Variants in SMAD1 observed in about 807,000 individuals in gnomAD.
SMAD1 encodes the protein SMAD family member 1.
SMAD1 carries 6 observed loss-of-function variants against 41.6 expected under a neutral mutation model. The ratio of observed to expected loss-of-function variants is 0.14; its 90% CI spans 0.08 to 0.28. The LOEUF is 0.28. Among genes scored for constraint, SMAD1 ranks in the 10% least tolerant of loss-of-function variants. The probability of loss-of-function intolerance (pLI) is 1.00; values close to 1 mark genes in which losing one functional copy is unlikely to be tolerated. For synonymous variants in SMAD1, 206 were observed against 203.2 expected, an observed-to-expected ratio of 1.01 and a Z score of -0.12; for missense variants, 379 against 582.6, an observed-to-expected ratio of 0.65 and a Z score of 3.60.
intron 6 of SMAD1, among the ~76,000 whole-genome samples, chr4:145,555,783 A>C (rs1385132128): frequency 6.6e-6 from 1 of 152,198 alleles, no homozygotes; most frequent in Non-Finnish European, 1.5e-5. Context: ...AGTAATACAA[A>C]GATGAAAAAG....
At chr4:145,491,540 TGTTA>T (rs1240577151) in intron 1 of SMAD1, among the ~76,000 whole-genome samples, 2 of 152,222 alleles carry the variant, frequency 1.3e-5, no homozygotes, top group African/African-American at 4.8e-5. Context: ...TCCTGTATTT[TGTTA>T]TTCTTTGTAT....
intron 6 of SMAD1, 76 bp from the exon 7 acceptor site, chr4:145,557,715 A>T: frequency 8.7e-7 from 1 of 1,148,082 alleles, no homozygotes; most frequent in Non-Finnish European, 1.2e-6. Context: ...GTCTTTGGTT[A>T]TGTGAACTCT....
intron 2 of SMAD1, among the ~76,000 whole-genome samples, chr4:145,523,492 T>G (rs75169425): frequency 0.013 from 2,034 of 152,204 alleles, 59 homozygotes; most frequent in African/African-American, 0.046. Flanking sequence ...GAAAATACAA[T>G]GAAAGATCAA....
rs767864028 is a variant in SMAD1, at chr4:145,557,775, A to G, written c.1255-16A>G. The G allele has an allele frequency of 1.3e-6, 2 of 1,596,396 alleles. No homozygotes were observed. Among genetic ancestry groups the G allele is most frequent in the East Asian group, 2.2e-5 (1 of 44,652 alleles). On this transcript the variant is annotated splice_polypyrimidine_tract_variant and intron_variant, in intron 6 of 6. Transcript: ENST00000302085. ...GAGTTAAACAAGTTAAATGACCTCCAGTATGTTTTTCCTAGGGCTGGGGAG... is the reference window on the plus strand; with the variant it reads ...GAGTTAAACAAGTTAAATGACCTCCGGTATGTTTTTCCTAGGGCTGGGGAG...
intron 2 of SMAD1, among the ~76,000 whole-genome samples, chr4:145,526,947 T>G: frequency 6.6e-6 from 1 of 152,188 alleles, no homozygotes; most frequent in African/African-American, 2.4e-5. Flanking sequence ...CATCTACTTT[T>G]CAGGTTGAGG....
intron 1 of SMAD1, among the ~76,000 whole-genome samples, chr4:145,509,519 C>T (rs1393168224): frequency 6.6e-6 from 1 of 151,852 alleles, no homozygotes; most frequent in Non-Finnish European, 1.5e-5. Context: ...TTAAAATAGC[C>T]CCAAGTTATT....
chr4:145,542,381 A>G (rs745563544), intron 3 of SMAD1, among the ~76,000 whole-genome samples: 4 of 152,286 alleles, frequency 2.6e-5, no homozygotes, highest in Non-Finnish European at 4.4e-5. Context: ...CTGAATTTTC[A>G]CAAAAATGTA....
intron 2 of SMAD1, among the ~76,000 whole-genome samples, chr4:145,537,647 T>G (rs561750596): frequency 1.3e-5 from 2 of 152,162 alleles, no homozygotes; most frequent in East Asian, 3.8e-4. Context: ...TTTATATATA[T>G]AACAAGATGC....
intron 4 of SMAD1, chr4:145,545,294 T>A (rs1364193159): frequency 6.6e-6 from 1 of 152,192 alleles, no homozygotes; most frequent in African/African-American, 2.4e-5. Flanking sequence ...ACAGAAAAAA[T>A]TCATCAACCT....
intron 1 of SMAD1, among the ~76,000 whole-genome samples, chr4:145,509,617 T>A (rs1383975423): frequency 6.6e-6 from 1 of 152,140 alleles, no homozygotes; most frequent in Non-Finnish European, 1.5e-5. Context: ...ATATAGAATA[T>A]GAAGAAATAC....
At chr4:145,483,762 A>G (rs1338064356) in intron 1 of SMAD1, among the ~76,000 whole-genome samples, 3 of 152,180 alleles carry the variant, frequency 2.0e-5, no homozygotes, top group Admixed American at 1.3e-4. Context: ...CAGAGCCTCT[A>G]GAGGATCCAG....
At chr4:145,519,614 G>A (rs1221605971) in intron 2 of SMAD1, among the ~76,000 whole-genome samples, 3 of 147,700 alleles carry the variant, frequency 2.0e-5, no homozygotes, top group Non-Finnish European at 3.0e-5. Flanking sequence ...TCATCATGTC[G>A]CTGCACTCCA....
intron 1 of SMAD1, among the ~76,000 whole-genome samples, chr4:145,500,167 C>G (rs1442274996): frequency 2.0e-5 from 3 of 152,144 alleles, no homozygotes; most frequent in African/African-American, 7.2e-5. Context: ...ACTGGTCTCC[C>G]TACCCACCAC....
rs375702599 is a variant in SMAD1 at position 145,520,496 on chromosome 4, AAGTCCG to A, written c.400+5485_400+5490del. ...GTTTAAGGTATCCAGGCAAGTCATC[AAGTCCG>A]ATTGTCTGGATGAAGTTGTCTTGAA... On this transcript the variant is annotated intron_variant, in intron 2 of 6. Transcript: ENST00000302085. 5.0e-3 allele frequency among the ~76,000 whole-genome samples: 769 copies of A among 152,378 alleles called. 2 individuals are homozygous for A. Among genetic ancestry groups the A allele is most frequent in the African/African-American group, 0.016 (676 of 41,588 alleles).
At chr4:145,490,993 A>G (rs1436488620) in intron 1 of SMAD1, among the ~76,000 whole-genome samples, 1 of 152,190 alleles carries the variant, frequency 6.6e-6, no homozygotes, top group Non-Finnish European at 1.5e-5. Context: ...GTTAGAAGGA[A>G]AGGGGAGTTT....
In SMAD1 at chr4:145,494,936, A is replaced by G. The variant is rs115150342; in HGVS notation, c.-177+12898A>G. Among the ~76,000 whole-genome samples the G allele has an allele frequency of 6.1e-3, 928 of 152,244 alleles. 9 individuals are homozygous for G. Among genetic ancestry groups the G allele is most frequent in the African/African-American group, 0.021 (888 of 41,538 alleles). ...GACAGAAAGGATATGTGTGTTTGACATCTCTCCCTTTTCCCTTTGTGGAAG... is the reference window on the plus strand; with the variant it reads ...GACAGAAAGGATATGTGTGTTTGACGTCTCTCCCTTTTCCCTTTGTGGAAG... On this transcript the variant is annotated intron_variant, in intron 1 of 6. Coordinates refer to ENST00000302085, the MANE Select transcript of SMAD1 (RefSeq NM_005900.3).
chr4:145,535,145 G>C (rs981155388), intron 2 of SMAD1, among the ~76,000 whole-genome samples: 1 of 151,996 alleles, frequency 6.6e-6, no homozygotes, highest in African/African-American at 2.4e-5. Context: ...AATTAAAATT[G>C]CACCAAAATG....
Position 145,482,377 on chromosome 4 carries a change from G to T in SMAD1, c.-177+339G>T, listed in dbSNP as rs144783209. ...CCCGGGCCCCCGAGCCTCGGCTCCC[G>T]GGCCTGACCGCGCTGGGATCTCCCC... On this transcript the variant is annotated intron_variant, in intron 1 of 6. Transcript: ENST00000302085. The surrounding 1 kb of genome is among the most constrained non-coding windows in gnomAD (Gnocchi z 4.2). The T allele has an allele frequency of 0.02, 3,081 of 152,494 alleles. 47 individuals carry two copies. Among genetic ancestry groups the T allele is most frequent in the Middle Eastern group, 0.09 (26 of 290 alleles). 9.4% of individuals were successfully genotyped at this position (152,494 alleles called of 1,614,324 possible).
At position 145,499,436 on chromosome 4, in the gene SMAD1, T is replaced by A. The variant is rs150023478; in HGVS notation, c.-176-15002T>A. Among the ~76,000 whole-genome samples, 566 of 152,200 alleles carry A rather than the reference T, an allele frequency of 3.7e-3. 3 individuals are homozygous for A. The highest frequency in any genetic ancestry group is 0.013 in the African/African-American group (534 of 41,530). On this transcript the variant is annotated intron_variant, in intron 1 of 6. Coordinates refer to ENST00000302085, the MANE Select transcript of SMAD1 (RefSeq NM_005900.3). ...AGAAGTTTGAGACCAGCTTGGGCAA[T>A]GTGGCAAAACCCTGTCACTAATAAA...
Sources: gnomAD v4.1 joint callset for allele counts (sites outside exome capture counted in the v4.1 genomes callset) on GRCh38, gnomAD v4.1.1 for gene constraint, Gnocchi (gnomAD v3.1) non-coding constraint, MANE v1.5 for transcripts, NCBI Gene and HGNC (gene_info 2026-07-23, HGNC 2026-07-21) for gene names.